Variants in CALN1 observed in about 807,000 individuals in gnomAD.
CALN1 encodes calneuron 1.
A neutral mutation model predicts 30.6 loss-of-function variants in CALN1; 17 were observed. The ratio of observed to expected loss-of-function variants is 0.56; its 90% confidence interval spans 0.38 to 0.83. CALN1 has a LOEUF of 0.83. CALN1 is among the 40% of genes least tolerant of loss of function. The pLI, the probability that CALN1 is intolerant of heterozygous loss-of-function variation, is 0.00. For synonymous variants in CALN1, 156 were observed against 131.4 expected (o/e 1.19, Z -1.28); for missense variants, 291 against 354.9 (o/e 0.82, Z 1.45).
chr7:72,241,120 T>C (rs1334611134), intron 3 of CALN1, among the ~76,000 whole-genome samples: 3 of 152,208 alleles, frequency 2.0e-5, no homozygotes, highest in South Asian at 2.1e-4. Flanking sequence ...AGATTCTTAG[T>C]TAATATTTGC....
chr7:72,051,089 A>G (rs1802808092), intron 4 of CALN1, among the ~76,000 whole-genome samples: 1 of 151,728 alleles, frequency 6.6e-6, no homozygotes. Flanking sequence ...AAAACTTTAG[A>G]AAAGTTAGAC....
At chr7:72,415,299 C>T (rs927919871), upstream of CALN1, among the ~76,000 whole-genome samples, 1 of 152,208 alleles carries the variant, frequency 6.6e-6, no homozygotes, top group Non-Finnish European at 1.5e-5. Flanking sequence ...CCAGATGCAC[C>T]TGTATTTTCT....
Position 72,239,222 on chromosome 7 carries a change from C to G in CALN1, c.244+39464G>C, listed in dbSNP as rs911865835. Among the ~76,000 whole-genome samples the G allele has an allele frequency of 7.9e-5, 12 of 152,212 alleles. No homozygotes were observed. In the East Asian group the frequency reaches 2.3e-3, roughly 29 times the overall value. ...GACCAGCCTGGGAAGCACACCAAGA[C>G]CCCACCTTTCCAAAAAAATAAATAA... On this transcript the variant is annotated intron_variant, in intron 3 of 6. Coordinates refer to ENST00000395275, the MANE Select transcript of CALN1 (RefSeq NM_031468.4).
intron 2 of CALN1, among the ~76,000 whole-genome samples, chr7:72,284,996 G>A (rs753940458): frequency 2.0e-5 from 3 of 151,962 alleles, no homozygotes; most frequent in Non-Finnish European, 4.4e-5. Context: ...TTATTATTCT[G>A]AGCAAAGCCC....
rs189689953 is a variant in CALN1, at chr7:72,033,662, C to G, written c.389-9893G>C. 2.6e-4 allele frequency among the ~76,000 whole-genome samples: 39 copies of G among 152,228 alleles called. No individual in the cohort carries two copies. In the East Asian group the frequency reaches 3.5e-3, roughly 14 times the overall value. ...GATGCCAGGAAGGAGGGAAGGTGAC[C>G]GACCACCCTTCATGCTGGATAGAGG... On this transcript the variant is annotated intron_variant, in intron 4 of 6. Coordinates refer to ENST00000395275, the MANE Select transcript of CALN1 (RefSeq NM_031468.4).
At chr7:72,466,726 G>C in the CALN1 span, among the ~76,000 whole-genome samples, 1 of 150,760 alleles carries the variant, frequency 6.6e-6, no homozygotes, top group Non-Finnish European at 1.5e-5. Context: ...CTGGGCAACA[G>C]AGTGAGACTC....
At chr7:72,305,606 C>T (rs1799594172) in intron 2 of CALN1, among the ~76,000 whole-genome samples, 1 of 152,112 alleles carries the variant, frequency 6.6e-6, no homozygotes, top group African/African-American at 2.4e-5. Context: ...AGTGAGAGGT[C>T]AGGGATTATT....
chr7:72,032,402 G>A (rs1431760774), intron 4 of CALN1, among the ~76,000 whole-genome samples: 1 of 152,012 alleles, frequency 6.6e-6, no homozygotes. Flanking sequence ...TGTTGCCCAG[G>A]CTAGTCTTGA....
At chr7:71,815,721 C>CCTTT (rs1164878619) in intron 5 of CALN1, among the ~76,000 whole-genome samples, 1 of 151,340 alleles carries the variant, frequency 6.6e-6, no homozygotes, top group Non-Finnish European at 1.5e-5. Context: ...TTCCATCCTT[C>CCTTT]CTTTCTTCCT....
intron 3 of CALN1, among the ~76,000 whole-genome samples, chr7:72,211,526 T>A (rs1054405571): frequency 5.3e-5 from 8 of 151,866 alleles, no homozygotes; most frequent in African/African-American, 1.9e-4. Context: ...TAGTTCAGGG[T>A]ACCCATCTGC....
intron 2 of CALN1, among the ~76,000 whole-genome samples, chr7:72,293,555 T>C (rs573106145): frequency 6.6e-6 from 1 of 152,256 alleles, no homozygotes; most frequent in South Asian, 2.1e-4. Flanking sequence ...TCTGGAAATG[T>C]AGTTTGCAAA....
chr7:71,952,539 A>G (rs1053841112), intron 5 of CALN1, among the ~76,000 whole-genome samples: 7 of 152,190 alleles, frequency 4.6e-5, no homozygotes, highest in Non-Finnish European at 7.3e-5. Flanking sequence ...CTAGCGGCAC[A>G]TAAAAGCTGA....
intron 5 of CALN1, among the ~76,000 whole-genome samples, chr7:72,007,303 T>C (rs1449325840): frequency 6.6e-6 from 1 of 152,210 alleles, no homozygotes; most frequent in African/African-American, 2.4e-5. Flanking sequence ...CCCAGCACTT[T>C]GGTAGGCCGA....
chr7:72,451,518 C>G (rs1808664153), upstream of CALN1, among the ~76,000 whole-genome samples: 1 of 151,974 alleles, frequency 6.6e-6, no homozygotes, highest in East Asian at 1.9e-4. Context: ...CCCCTAGGGT[C>G]CTGTGGGCTG....
At chr7:72,332,020 G>A (rs1801712323) in intron 2 of CALN1, among the ~76,000 whole-genome samples, 1 of 152,178 alleles carries the variant, frequency 6.6e-6, no homozygotes, top group South Asian at 2.1e-4. Context: ...TCCCTGCAAA[G>A]GACATGAACT....
intron 2 of CALN1, among the ~76,000 whole-genome samples, chr7:72,400,776 A>T (rs370346537): frequency 1.3e-5 from 2 of 152,076 alleles, no homozygotes; most frequent in Admixed American, 6.5e-5. Flanking sequence ...CTGGCCTTAG[A>T]TTTCATGAGA....
intron 3 of CALN1, among the ~76,000 whole-genome samples, chr7:72,258,125 T>A (rs76157069): frequency 0.037 from 5,607 of 151,210 alleles, 323 homozygotes; most frequent in African/African-American, 0.12. Flanking sequence ...ATGAATTTTT[T>A]AAAAAAAAAC....
At chr7:72,401,433 G>A (rs1326111870) in intron 2 of CALN1, among the ~76,000 whole-genome samples, 1 of 152,146 alleles carries the variant, frequency 6.6e-6, no homozygotes, top group Non-Finnish European at 1.5e-5. Context: ...TTTAAGGAAT[G>A]TGTGGATACA....
At chr7:72,095,882 T>C (rs1458138713) in intron 4 of CALN1, among the ~76,000 whole-genome samples, 3 of 151,620 alleles carry the variant, frequency 2.0e-5, no homozygotes, top group Admixed American at 6.6e-5. Flanking sequence ...TAATAAAAAA[T>C]AAAAATTAGC....
Sources: allele counts gnomAD v4.1 joint callset (sites outside exome capture counted in the v4.1 genomes callset), GRCh38; gene constraint gnomAD v4.1.1; transcripts MANE v1.5; gene names NCBI Gene and HGNC (gene_info 2026-07-23, HGNC 2026-07-21).